SUPT3H: variants seen among roughly 807,000 people sequenced by gnomAD.
SUPT3H encodes SPT3 homolog, SAGA and STAGA complex component, also known as transcription initiation protein SPT3 homolog.
Under a neutral mutation model 44.3 loss-of-function variants are expected in SUPT3H, and 44 were observed. The ratio of observed to expected loss-of-function variants is 0.99; its 90% CI spans 0.78 to 1.28. The LOEUF (loss-of-function observed/expected upper bound fraction) is 1.28, where lower values mean the gene tolerates loss of function less well. SUPT3H is among the 50% of genes most tolerant of loss of function. The pLI is 0.00. For synonymous variants in SUPT3H, 124 were observed against 125.6 expected (o/e 0.99, Z 0.09); for missense variants, 380 against 387.1 (o/e 0.98, Z 0.15).
chr6:44,912,304 A>G (rs1427711648), intron 10 of SUPT3H, among the ~76,000 whole-genome samples: 1 of 152,060 alleles, frequency 6.6e-6, no homozygotes, highest in African/African-American at 2.4e-5. Context: ...CTCATTCTAG[A>G]TATTTCCAGT....
chr6:45,221,176 G>C (rs1765984889), intron 2 of SUPT3H, among the ~76,000 whole-genome samples: 1 of 152,080 alleles, frequency 6.6e-6, no homozygotes, highest in Non-Finnish European at 1.5e-5. Flanking sequence ...TGAACAATGA[G>C]AACACTTGGA....
At chr6:45,332,218 A>G (rs111475192) in intron 2 of SUPT3H, among the ~76,000 whole-genome samples, 34 of 151,878 alleles carry the variant, frequency 2.2e-4, no homozygotes, top group African/African-American at 8.0e-4. Context: ...TTTTCAACAA[A>G]TATTCATCTA....
intron 3 of SUPT3H, among the ~76,000 whole-genome samples, chr6:45,076,813 T>A (rs1278801607): frequency 2.0e-5 from 3 of 152,140 alleles, no homozygotes; most frequent in Non-Finnish European, 4.4e-5. Context: ...ATGCCCAGTT[T>A]CCTAGCAGGG....
At chr6:44,877,468 CAAAAAAA>C (rs5875897) in intron 10 of SUPT3H, among the ~76,000 whole-genome samples, 1 of 122,482 alleles carries the variant, frequency 8.2e-6, no homozygotes, top group Non-Finnish European at 1.7e-5. Context: ...GACTCAGTCT[CAAAAAAA>C]AAAAAAAAAA....
chr6:45,342,036 C>T (rs998258185), intron 2 of SUPT3H, among the ~76,000 whole-genome samples: 5 of 150,908 alleles, frequency 3.3e-5, no homozygotes, highest in African/African-American at 1.2e-4. Context: ...AAAATATGGG[C>T]AAGTTGAAGA....
At chr6:45,110,549 T>G (rs930636591) in intron 2 of SUPT3H, among the ~76,000 whole-genome samples, 30 of 144,544 alleles carry the variant, frequency 2.1e-4, no homozygotes, top group African/African-American at 7.2e-4. Context: ...TTTTCAGTGC[T>G]TTCTAACATC....
At chr6:44,902,043 A>C (rs1243261232) in intron 10 of SUPT3H, among the ~76,000 whole-genome samples, 9 of 151,930 alleles carry the variant, frequency 5.9e-5, no homozygotes, top group African/African-American at 1.9e-4. Flanking sequence ...TGGAAAGGAA[A>C]AACTGGTACC....
intron 3 of SUPT3H, among the ~76,000 whole-genome samples, chr6:45,086,781 T>C (rs916305254): frequency 1.3e-5 from 2 of 151,930 alleles, no homozygotes; most frequent in Non-Finnish European, 1.5e-5. Flanking sequence ...TATCTGTGAA[T>C]AGGTACACGG....
chr6:45,240,867 A>C (rs1212887500), intron 2 of SUPT3H, among the ~76,000 whole-genome samples: 1 of 152,236 alleles, frequency 6.6e-6, no homozygotes, highest in Non-Finnish European at 1.5e-5. Flanking sequence ...AAAGAATAAA[A>C]AAACATCTAG....
At position 45,123,374 on chromosome 6, in the gene SUPT3H, CT is replaced by C. The variant is rs762550266; in HGVS notation, c.102-17369del. Among the ~76,000 whole-genome samples the C allele has an allele frequency of 3.2e-3, 450 of 142,732 alleles. 1 individual carries two copies. The highest frequency in any genetic ancestry group is 7.1e-3 in the Middle Eastern group (2 of 280). The allele number at this position is 142,732 out of a possible 152,430, so 93.6% of individuals were successfully genotyped here. A position where few individuals can be genotyped will look rare whatever the true frequency, so the allele number is the denominator to read the frequency against. On this transcript the variant is annotated intron_variant, in intron 2 of 10. Coordinates refer to ENST00000371459, the MANE Select transcript of SUPT3H (RefSeq NM_003599.4). Reference sequence around the variant, plus strand: ...GAATTTTAAATTGTATCATTTATTTCTTTTTTTTTTTTTTCCCCAGATAGGG... The same window carrying C: ...GAATTTTAAATTGTATCATTTATTTCTTTTTTTTTTTTTCCCCAGATAGGG...
chr6:45,021,874 T>C (rs913689224), intron 3 of SUPT3H, among the ~76,000 whole-genome samples: 3 of 152,010 alleles, frequency 2.0e-5, no homozygotes, highest in Non-Finnish European at 4.4e-5. Context: ...ATATAAACAC[T>C]ATCCTATCTA....
rs547592780 is a variant in SUPT3H, at chr6:44,902,266, A to C, written c.912+30387T>G. On this transcript the variant is annotated intron_variant, in intron 10 of 10. Coordinates refer to ENST00000371459, the MANE Select transcript of SUPT3H (RefSeq NM_003599.4). ...GAGTCATGATCCATCAGTGTGCTGT[A>C]TTTAGGAAACCCATCTCATGTGCAC... 5.1e-4 allele frequency among the ~76,000 whole-genome samples: 78 copies of C among 152,322 alleles called. 1 individual carries two copies. Among genetic ancestry groups the C allele is most frequent in the African/African-American group, 1.7e-3 (70 of 41,576 alleles).
intron 3 of SUPT3H, 40 bp downstream of exon 3, chr6:45,105,882 G>T: frequency 6.8e-7 from 1 of 1,467,506 alleles, no homozygotes; most frequent in East Asian, 2.3e-5. Context: ...ATAAAAGAAT[G>T]CAGAGAAGAG....
chr6:45,240,992 C>A (rs895837711), intron 2 of SUPT3H, among the ~76,000 whole-genome samples: 17 of 152,164 alleles, frequency 1.1e-4, no homozygotes, highest in African/African-American at 3.9e-4. Context: ...GAAGGAGCTG[C>A]AGACAGATTA....
intron 2 of SUPT3H, among the ~76,000 whole-genome samples, chr6:45,226,999 A>AAT (rs1439597814): frequency 9.4e-5 from 14 of 149,724 alleles, no homozygotes; most frequent in Admixed American, 6.7e-5. Flanking sequence ...CATCTAGAAA[A>AAT]ATATATATAT....
intron 6 of SUPT3H, among the ~76,000 whole-genome samples, chr6:44,998,556 T>C (rs1781572140): frequency 6.6e-6 from 1 of 151,940 alleles, no homozygotes; most frequent in South Asian, 2.1e-4. Context: ...GAGAGCTCCT[T>C]GAACTCTGGC....
At chr6:45,241,095 T>G (rs972700185) in intron 2 of SUPT3H, among the ~76,000 whole-genome samples, 9 of 152,188 alleles carry the variant, frequency 5.9e-5, no homozygotes, top group African/African-American at 2.2e-4. Context: ...TTTGTCTTTG[T>G]ATAGTCTGCA....
At chr6:45,140,818 C>G (rs756573466) in intron 2 of SUPT3H, among the ~76,000 whole-genome samples, 1 of 152,152 alleles carries the variant, frequency 6.6e-6, no homozygotes, top group Non-Finnish European at 1.5e-5. Flanking sequence ...TCGCTACAGT[C>G]TGACTCTCAG....
intron 2 of SUPT3H, among the ~76,000 whole-genome samples, chr6:45,145,989 T>C (rs1310756019): frequency 6.6e-6 from 1 of 152,080 alleles, no homozygotes; most frequent in Non-Finnish European, 1.5e-5. Flanking sequence ...CCTGTAAGAA[T>C]GGCCATAATT....
Sources: gnomAD v4.1 joint callset for allele counts (sites outside exome capture counted in the v4.1 genomes callset) on GRCh38, gnomAD v4.1.1 for gene constraint, MANE v1.5 for transcripts, NCBI Gene and HGNC (gene_info 2026-07-23, HGNC 2026-07-21) for gene names.